TYR: variants seen among roughly 807,000 people sequenced by gnomAD.
TYR encodes tyrosinase.
In TYR, 58 loss-of-function variants were observed where a neutral mutation model predicts 51.5. The ratio of observed to expected loss-of-function variants is 1.13; its 90% CI spans 0.91 to 1.40. The LOEUF is 1.40. Ranked by LOEUF, TYR falls within the 40% of genes most tolerant of loss-of-function variation. The probability of loss-of-function intolerance (pLI) is 0.00; values close to 1 mark genes in which losing one functional copy is unlikely to be tolerated. For missense variants in TYR, 732 were observed against 647.4 expected, an observed-to-expected ratio of 1.13 and a Z score of -1.42; for synonymous variants, 263 against 235.2, an observed-to-expected ratio of 1.12 and a Z score of -1.08.
chr11:89,242,976 A>T (rs1365865325), intron 3 of TYR, among the ~76,000 whole-genome samples: 3 of 152,192 alleles, frequency 2.0e-5, no homozygotes, highest in Admixed American at 6.5e-5. Context: ...TGGATATCAC[A>T]TAATTCCACC....
At chr11:89,205,990 T>C (rs1228266942) in intron 2 of TYR, among the ~76,000 whole-genome samples, 1 of 152,028 alleles carries the variant, frequency 6.6e-6, no homozygotes, top group Non-Finnish European at 1.5e-5. Context: ...AATGTAATAC[T>C]TAGATAAATC....
chr11:89,192,453 T>C (rs1943458941), intron 2 of TYR, among the ~76,000 whole-genome samples: 1 of 152,146 alleles, frequency 6.6e-6, no homozygotes, highest in Admixed American at 6.6e-5. Flanking sequence ...CCTTAACATG[T>C]AGAAAAACTT....
rs374512951 is a variant in TYR, at chr11:89,293,286, T to C, written c.1367-1857T>C. Among the ~76,000 whole-genome samples the C allele has an allele frequency of 1.1e-3, 171 of 152,022 alleles. 2 individuals are homozygous for C. The highest frequency in any genetic ancestry group is 3.9e-3 in the African/African-American group (163 of 41,472). On this transcript the variant is annotated intron_variant, in intron 4 of 4. Coordinates refer to ENST00000263321, the MANE Select transcript of TYR (RefSeq NM_000372.5). ...GGGCTTACCCATGATTTTTGTTTGGTGAATGTTTAAAAACAACACAAAAAG... is the reference window on the plus strand; with the variant it reads ...GGGCTTACCCATGATTTTTGTTTGGCGAATGTTTAAAAACAACACAAAAAG...
At chr11:89,228,260 G>T (rs889439471) in intron 3 of TYR, among the ~76,000 whole-genome samples, 4 of 152,126 alleles carry the variant, frequency 2.6e-5, no homozygotes, top group Admixed American at 2.6e-4. Context: ...ACTAGATCCT[G>T]GTAGAAGGTA....
chr11:89,259,552 A>AT (rs1944433463), intron 3 of TYR, among the ~76,000 whole-genome samples: 1 of 152,142 alleles, frequency 6.6e-6, no homozygotes, highest in African/African-American at 2.4e-5. Context: ...AGGTTAAAAA[A>AT]ATATATCAGA....
At chr11:89,209,318 C>A (rs1324597287) in intron 2 of TYR, among the ~76,000 whole-genome samples, 1 of 152,180 alleles carries the variant, frequency 6.6e-6, no homozygotes, top group Non-Finnish European at 1.5e-5. Flanking sequence ...GTCCTGTGCC[C>A]ACAGAGCCTT....
intron 1 of TYR, among the ~76,000 whole-genome samples, chr11:89,181,247 C>T (rs11018522): frequency 0.24 from 36,369 of 152,076 alleles, 4,547 homozygotes; most frequent in Non-Finnish European, 0.28. Flanking sequence ...AACTCTTGAC[C>T]TCAAGTGATC....
At chr11:89,285,039 A>G in intron 4 of TYR, 85 bp downstream of exon 4, 1 of 1,171,596 alleles carries the variant, frequency 8.5e-7, no homozygotes, top group Non-Finnish European at 1.3e-6. Context: ...ATGCTTCGAC[A>G]ATGTTATTCC....
intron 3 of TYR, among the ~76,000 whole-genome samples, chr11:89,262,942 A>C (rs867321618): frequency 6.6e-6 from 1 of 151,304 alleles, no homozygotes; most frequent in Middle Eastern, 3.2e-3. Context: ...CACATGTTTA[A>C]AGAACATCAA....
At chr11:89,261,656 C>A (rs1259773583) in intron 3 of TYR, among the ~76,000 whole-genome samples, 2 of 151,992 alleles carry the variant, frequency 1.3e-5, no homozygotes, top group African/African-American at 4.8e-5. Flanking sequence ...TAGGACTAGA[C>A]CAAAAATCAG....
At chr11:89,209,869 A>C (rs928107078) in intron 2 of TYR, among the ~76,000 whole-genome samples, 1 of 152,232 alleles carries the variant, frequency 6.6e-6, no homozygotes, top group Non-Finnish European at 1.5e-5. Context: ...CCTGCAGCTC[A>C]GGGGCCTGTC....
At chr11:89,277,867 T>C (rs1221209575) in intron 3 of TYR, among the ~76,000 whole-genome samples, 1 of 151,696 alleles carries the variant, frequency 6.6e-6, no homozygotes, top group Non-Finnish European at 1.5e-5. Flanking sequence ...CCTCAGTCCC[T>C]TCTCTGCAAC....
At chr11:89,280,881 C>A (rs201302469) in intron 3 of TYR, among the ~76,000 whole-genome samples, 1 of 151,582 alleles carries the variant, frequency 6.6e-6, no homozygotes, top group African/African-American at 2.4e-5. Context: ...AGATGAGAGG[C>A]CTCAAGTTTC....
chr11:89,261,944 T>C (rs1278148199), intron 3 of TYR, among the ~76,000 whole-genome samples: 2 of 152,118 alleles, frequency 1.3e-5, no homozygotes, highest in Non-Finnish European at 2.9e-5. Flanking sequence ...AACATACTGC[T>C]AAATAATAGT....
intron 3 of TYR, among the ~76,000 whole-genome samples, chr11:89,242,918 G>A (rs950836667): frequency 5.3e-5 from 8 of 152,190 alleles, no homozygotes; most frequent in African/African-American, 1.9e-4. Flanking sequence ...CCTCGACTGA[G>A]ATATGAGTCA....
intron 3 of TYR, among the ~76,000 whole-genome samples, chr11:89,235,517 C>T (rs927437539): frequency 2.0e-5 from 3 of 152,078 alleles, no homozygotes; most frequent in African/African-American, 7.2e-5. Context: ...TGTCATCTAT[C>T]ATAATATAGA....
intron 3 of TYR, among the ~76,000 whole-genome samples, chr11:89,268,634 A>C (rs889436099): frequency 1.3e-5 from 2 of 151,934 alleles, no homozygotes; most frequent in African/African-American, 4.8e-5. Context: ...TAATACACAC[A>C]TCCATTATAA....
At chr11:89,247,493 T>C (rs1944281631) in intron 3 of TYR, among the ~76,000 whole-genome samples, 1 of 152,174 alleles carries the variant, frequency 6.6e-6, no homozygotes, top group Non-Finnish European at 1.5e-5. Flanking sequence ...CCTACAACAA[T>C]GTAGCTGCTC....
At chr11:89,243,511 G>T (rs1944226796) in intron 3 of TYR, among the ~76,000 whole-genome samples, 1 of 152,166 alleles carries the variant, frequency 6.6e-6, no homozygotes, top group South Asian at 2.1e-4. Context: ...TTAAGACATT[G>T]TATTAGAATT....
Sources: allele counts gnomAD v4.1 joint callset (sites outside exome capture counted in the v4.1 genomes callset), GRCh38; gene constraint gnomAD v4.1.1; transcripts MANE v1.5; gene names NCBI Gene and HGNC (gene_info 2026-07-23, HGNC 2026-07-21).